Variants in ZFYVE26 observed in about 807,000 individuals in gnomAD.
The protein encoded by ZFYVE26 is zinc finger FYVE-type containing 26, also known as zinc finger FYVE domain-containing protein 26.
In ZFYVE26, 181 loss-of-function variants were observed where a neutral mutation model predicts 276.5. That is an observed-to-expected ratio of 0.65 (90% CI 0.58 to 0.74). ZFYVE26 has a LOEUF of 0.74. ZFYVE26 is among the 30% of genes least tolerant of loss of function. The pLI, the probability that ZFYVE26 is intolerant of heterozygous loss-of-function variation, is 0.00. For synonymous variants in ZFYVE26, 1,129 were observed against 1,203.1 expected (o/e 0.94, Z 1.27); for missense variants, 2,821 against 3,097.9 (o/e 0.91, Z 2.12).
rs1174199275 is a variant in ZFYVE26, at chr14:67,782,929, A to G, written c.4223T>C (p.Ile1408Thr). ...AGCCTCACTCAGTACATCTAGGGCA[A>G]TGGGAGAATGTAGGCCCAGGAGAAC... ...STVLLGLHSPIALDVLSEAFE... is the reference protein window; with the variant it reads ...STVLLGLHSPTALDVLSEAFE... The change falls in exon 21 of 42, where the codon ATT becomes ACT. Residue 1408 changes from isoleucine to threonine, a missense_variant. Transcript: ENST00000347230. 2 of 1,614,202 alleles carry G rather than the reference A, an allele frequency of 1.2e-6. No homozygotes were observed. The highest frequency in any genetic ancestry group is 1.7e-6 in the Non-Finnish European group (2 of 1,180,034).
In ZFYVE26 at chr14:67,778,216, C is replaced by T. The variant is rs1383995740; in HGVS notation, c.4707G>A (p.Leu1569=). The change falls in exon 24 of 42, where the codon CTG becomes CTA. Residue 1569 remains leucine (L), a synonymous_variant. Transcript: ENST00000347230. ...TTAAATGTTCTCTTGGAATGGGGTA[C>T]AGGCAGCCCCACTCTTCACACAGTT... ...EYELCEEWGC[L]YPIPREHLIS... is the part of the protein sequence containing the mutation. 1.9e-6 allele frequency: 3 copies of T among 1,614,152 alleles called. No individual in the cohort carries two copies. The highest frequency in any genetic ancestry group is 1.1e-5 in the South Asian group (1 of 91,080).
intron 39 of ZFYVE26, 30 bp from the exon 40 acceptor site, chr14:67,752,556 G>A (rs1458387988): frequency 3.7e-6 from 6 of 1,613,402 alleles, no homozygotes; most frequent in East Asian, 2.2e-5. Context: ...GATGGGCTTA[G>A]GAGCAGGAAA....
chr14:67,767,842 T>TCCAA lies in ZFYVE26; in HGVS notation c.5654-3_5654-2insTTGG. 1 of 1,614,176 alleles carries TCCAA rather than the reference T, an allele frequency of 6.2e-7. No individual in the cohort carries two copies. The highest frequency in any genetic ancestry group is 8.5e-7 in the Non-Finnish European group (1 of 1,180,024). ...TTTCATTCTTGGAGCTGTCTAGAGC[T>TCCAA]GAGAAGAGAAATGCCATTCATGTGT... On this transcript the variant is annotated splice_region_variant and splice_polypyrimidine_tract_variant and intron_variant, in intron 30 of 41. Transcript: ENST00000347230.
At chr14:67,779,387 A>T (rs2039435700) in intron 23 of ZFYVE26, among the ~76,000 whole-genome samples, 1 of 151,846 alleles carries the variant, frequency 6.6e-6, no homozygotes, top group Non-Finnish European at 1.5e-5. Context: ...ACATGGCAAA[A>T]CTCTGTCTCT....
intron 10 of ZFYVE26, chr14:67,799,130 C>G: frequency 6.9e-7 from 1 of 1,441,820 alleles, no homozygotes; most frequent in Non-Finnish European, 9.8e-7. Flanking sequence ...GGCGTACTGG[C>G]GGCTACTCTT....
intron 3 of ZFYVE26, among the ~76,000 whole-genome samples, chr14:67,812,132 CTA>C (rs2040315431): frequency 6.6e-6 from 1 of 151,960 alleles, no homozygotes; most frequent in Non-Finnish European, 1.5e-5. Context: ...CATGAACACT[CTA>C]TGTTAGTGAA....
chr14:67,764,122 A>C (rs547533317), intron 32 of ZFYVE26, among the ~76,000 whole-genome samples: 1 of 152,242 alleles, frequency 6.6e-6, no homozygotes, highest in African/African-American at 2.4e-5. Context: ...CCTTATAAGG[A>C]TAGAAAGCCC....
chr14:67,752,305 A>T, intron 40 of ZFYVE26, 39 bp downstream of exon 40: 1 of 1,587,626 alleles, frequency 6.3e-7, no homozygotes, highest in Non-Finnish European at 8.6e-7. Context: ...AAGACACTGA[A>T]ATTGATGGAG....
At chr14:67,765,389 AGAG>A (rs2039029826) in intron 32 of ZFYVE26, among the ~76,000 whole-genome samples, 1 of 152,118 alleles carries the variant, frequency 6.6e-6, no homozygotes, top group Non-Finnish European at 1.5e-5. Context: ...CCCATTTTAT[AGAG>A]GAGGAGACTG....
chr14:67,744,494 C>A (rs1047453498), downstream of ZFYVE26, among the ~76,000 whole-genome samples: 1 of 152,128 alleles, frequency 6.6e-6, no homozygotes, highest in African/African-American at 2.4e-5. Context: ...TGGTCTGCTG[C>A]ACCTATCAAC....
rs181574 is a variant in ZFYVE26, at chr14:67,807,095, T to C, written c.886+303A>G. On this transcript the variant is annotated intron_variant, in intron 5 of 41. Coordinates refer to ENST00000347230, the MANE Select transcript of ZFYVE26 (RefSeq NM_015346.4). ...TAGCTTGAACCACAGGTGTGTGCCA[T>C]CACGCCTAGCTAATTTCTAAATTTT... is the stretch of plus-strand genomic sequence containing the variant. Among the ~76,000 whole-genome samples, 105,254 of 151,930 alleles carry C rather than the reference T, an allele frequency of 0.69. 36,921 individuals carry two copies. The highest frequency in any genetic ancestry group is 0.98 in the East Asian group (5,036 of 5,154).
intron 23 of ZFYVE26, among the ~76,000 whole-genome samples, chr14:67,778,746 G>A (rs972749515): frequency 6.8e-6 from 1 of 147,076 alleles, no homozygotes; most frequent in Non-Finnish European, 1.5e-5. Context: ...TTTGTGAACT[G>A]TAGATGAAGT....
In ZFYVE26 at chr14:67,809,296, G is replaced by A; in HGVS notation, c.274-7C>T. On this transcript the variant is annotated splice_region_variant and splice_polypyrimidine_tract_variant and intron_variant, in intron 3 of 41. Transcript: ENST00000347230. ...AAACAACTGGGAGTAACTTCTAGAA[G>A]AATCAAAAGAATGAAGCATAGAGAT... 1.9e-6 allele frequency: 3 copies of A among 1,597,830 alleles called. No homozygotes were observed. Among genetic ancestry groups the A allele is most frequent in the Non-Finnish European group, 2.6e-6 (3 of 1,166,174 alleles).
intron 15 of ZFYVE26, 25 bp downstream of exon 15, chr14:67,790,547 T>TA: frequency 6.2e-7 from 1 of 1,611,742 alleles, no homozygotes; most frequent in East Asian, 2.2e-5. Context: ...CCTCACCACT[T>TA]ATGGTGTTAG....
intron 32 of ZFYVE26, among the ~76,000 whole-genome samples, chr14:67,764,853 T>C (rs2039018359): frequency 6.6e-6 from 1 of 152,226 alleles, no homozygotes; most frequent in Admixed American, 6.5e-5. Context: ...TAAAAATGGA[T>C]ATTTCCTTCA....
chr14:67,816,393 CCT>C (rs2040411163), intron 1 of ZFYVE26, 139 bp downstream of exon 1: 1 of 165,178 alleles, frequency 6.1e-6, no homozygotes, highest in Non-Finnish European at 1.3e-5. Context: ...TAGTTTGAGC[CCT>C]CTGTTAAGGC....
intron 32 of ZFYVE26, among the ~76,000 whole-genome samples, chr14:67,765,360 A>G (rs1206244615): frequency 6.6e-6 from 1 of 152,094 alleles, no homozygotes; most frequent in East Asian, 1.9e-4. Flanking sequence ...TAACAGCCCC[A>G]TGAGATCAGT....
chr14:67,737,747 G>T (rs186908034), intron 13 of ZFYVE26, among the ~76,000 whole-genome samples: 2 of 151,964 alleles, frequency 1.3e-5, no homozygotes, highest in East Asian at 3.9e-4. Context: ...TTTTTCTTTC[G>T]ACTTGGGGTC....
In ZFYVE26 at chr14:67,762,674, CA is replaced by C; in HGVS notation, c.6156del (p.Glu2053ArgfsTer38). On this transcript the variant is annotated frameshift_variant, in exon 33 of 42. Transcript: ENST00000347230. LOFTEE classifies it high-confidence loss of function. ...CTTTGTCTTTGTCTTTGTCTCACCT[CA>C]ACGCCCAGTTGGTAGTACTCGGCTT... ...LLEAEYYQLGVEVSTKTGLDT... is the reference protein window; with the variant it reads ...LLEAEYYQLGXEVSTKTGLDT... The C allele has an allele frequency of 6.2e-7, 1 of 1,613,540 alleles. No individual in the cohort carries two copies. The highest frequency in any genetic ancestry group is 8.5e-7 in the Non-Finnish European group (1 of 1,180,030).
Sources: allele counts gnomAD v4.1 joint callset (sites outside exome capture counted in the v4.1 genomes callset), GRCh38; gene constraint gnomAD v4.1.1; transcripts MANE v1.5; gene names NCBI Gene and HGNC (gene_info 2026-07-23, HGNC 2026-07-21).